The following CXCL12 variants were observed in gnomAD, a reference collection of about 807,000 sequenced individuals.
The protein encoded by CXCL12 is stromal cell-derived factor 1.
A neutral mutation model predicts 10.7 loss-of-function variants in CXCL12; 4 were observed. That is an observed-to-expected ratio of 0.37 (90% CI 0.18 to 0.86). The LOEUF is 0.86. CXCL12 is among the 40% of genes least tolerant of loss of function. The pLI is 0.43. For missense variants in CXCL12, 122 were observed against 110.4 expected (o/e 1.10, Z -0.47); for synonymous variants, 54 against 45.4 (o/e 1.19, Z -0.77).
rs1428790416 is a variant in CXCL12, at chr10:44,377,424, TA to T, written c.*1208del. On this transcript the variant is annotated 3_prime_UTR_variant, in exon 3 of 3. Transcript: ENST00000343575. ...AAAAAAATGTGCACAAAAATATATA[TA>T]AAAAAATGCCTTGCAAAAAGTTACA... is the stretch of plus-strand genomic sequence containing the variant. 2.1e-5 allele frequency: 23 copies of T among 1,114,962 alleles called. No individual in the cohort carries two copies. The highest frequency in any genetic ancestry group is 9.5e-5 in the Admixed American group (2 of 21,138). The allele number at this position is 1,114,962 out of a possible 1,614,324, so 69.1% of individuals were successfully genotyped here.
At position 44,377,396 on chromosome 10, in the gene CXCL12, TA is replaced by T. The variant is rs17884204; in HGVS notation, c.*1236del. 0.03 allele frequency: 31,414 copies of T among 1,063,220 alleles called. 526 individuals carry two copies. Among genetic ancestry groups the T allele is most frequent in the Non-Finnish European group, 0.033 (29,063 of 875,742 alleles). 65.9% of individuals were successfully genotyped at this position (1,063,220 alleles called of 1,614,324 possible). ...AATACATTTGTTTTCTAAAGAAACG[TA>T]AAAAAAAATGTGCACAAAAATATAT... On this transcript the variant is annotated 3_prime_UTR_variant, in exon 3 of 3. Coordinates refer to ENST00000343575, the MANE Select transcript of CXCL12 (RefSeq NM_199168.4).
At chr10:44,373,172 T>C (rs1839358368), downstream of CXCL12, 3 of 1,538,986 alleles carry the variant, frequency 1.9e-6, no homozygotes, top group Non-Finnish European at 1.8e-6. Flanking sequence ...TTTTGCTACA[T>C]AATCAAATGG....
At chr10:44,371,189 G>C (rs1564456969), downstream of CXCL12, 1 of 244,066 alleles carries the variant, frequency 4.1e-6, no homozygotes, top group Non-Finnish European at 8.3e-6. Context: ...TGTTAGTAGA[G>C]GAATTGTTAT....
At chr10:44,372,632 T>G (rs574830145), downstream of CXCL12, 26 of 1,344,894 alleles carry the variant, frequency 1.9e-5, no homozygotes, top group Admixed American at 2.4e-4. Context: ...AGAGTCCTTT[T>G]GCAGGGCCAT....
At position 44,377,815 on chromosome 10, in the gene CXCL12, C is replaced by A; in HGVS notation, c.*818G>T. On this transcript the variant is annotated 3_prime_UTR_variant, in exon 3 of 3. Transcript: ENST00000343575. ...GCCAAAGACGGATCTCACAGAGGGCCCGAGCTGTGGGGCAGGCCCTGGGAG... is the reference window on the plus strand; with the variant it reads ...GCCAAAGACGGATCTCACAGAGGGCACGAGCTGTGGGGCAGGCCCTGGGAG... 6.3e-7 allele frequency: 1 copy of A among 1,597,404 alleles called. No individual in the cohort carries two copies. Among genetic ancestry groups the A allele is most frequent in the Non-Finnish European group, 8.5e-7 (1 of 1,179,468 alleles).
chr10:44,383,821 ACCAACCCAG>A (rs1040630201), intron 1 of CXCL12, among the ~76,000 whole-genome samples: 3 of 152,176 alleles, frequency 2.0e-5, no homozygotes, highest in African/African-American at 7.2e-5. Flanking sequence ...CCACGTCTGC[ACCAACCCAG>A]CCAAGGGCTC....
downstream of CXCL12, among the ~76,000 whole-genome samples, chr10:44,375,627 C>T (rs553192962): frequency 7.2e-4 from 109 of 152,346 alleles, no homozygotes; most frequent in Non-Finnish European, 1.3e-3. Flanking sequence ...CTGGGGGGCT[C>T]AGCAACCTGG....
Position 44,384,928 on chromosome 10 carries a change from C to T in CXCL12, c.61+17G>A, listed in dbSNP as rs17540465. 55,544 of 1,541,632 alleles carry T rather than the reference C, an allele frequency of 0.036. 1,205 individuals are homozygous for T. The highest frequency in any genetic ancestry group is 0.089 in the African/African-American group (5,916 of 66,464). The stretch of plus-strand genomic sequence containing the variant: ...AGCCCAGAGCCTCGCCAGGGCCTCC[C>T]CGCCGAGCGCACTTACCGTCGCTGA... On this transcript the variant is annotated intron_variant, in intron 1 of 2. Transcript: ENST00000343575.
chr10:44,378,600 G>C lies in CXCL12; in HGVS notation c.*33C>G, dbSNP rs760074446. 84 of 1,613,702 alleles carry C rather than the reference G, an allele frequency of 5.2e-5. No homozygotes were observed. The highest frequency in any genetic ancestry group is 6.1e-5 in the Non-Finnish European group (72 of 1,179,876). On this transcript the variant is annotated 3_prime_UTR_variant, in exon 3 of 3. Coordinates refer to ENST00000343575, the MANE Select transcript of CXCL12 (RefSeq NM_199168.4). The stretch of plus-strand genomic sequence containing the variant: ...ACAAGGTTTTAGTTTTCCTCGAGTG[G>C]GTCTAGCGGAAAGTCCTTTTTGGCT...
Position 44,377,572 on chromosome 10 carries a change from T to A in CXCL12, c.*1061A>T. ...GAGGGGGTAGTGGCAAGATGATGGT[T>A]TATTCACTGATTTTTTCGCTTCTGA... On this transcript the variant is annotated 3_prime_UTR_variant, in exon 3 of 3. Transcript: ENST00000343575. 1 of 1,472,912 alleles carries A rather than the reference T, an allele frequency of 6.8e-7. No individual in the cohort carries two copies. The highest frequency in any genetic ancestry group is 1.4e-5 in the South Asian group (1 of 71,812). 91.2% of individuals were successfully genotyped at this position (1,472,912 alleles called of 1,614,324 possible).
downstream of CXCL12, chr10:44,373,053 G>A (rs763415386): frequency 2.9e-5 from 44 of 1,536,054 alleles, no homozygotes; most frequent in Middle Eastern, 1.7e-4. Context: ...GAGTGGCTCC[G>A]TGGAAAGACA....
chr10:44,372,652 C>T (rs1588893298), downstream of CXCL12: 7 of 1,390,884 alleles, frequency 5.0e-6, no homozygotes, highest in East Asian at 2.6e-5. Context: ...TGGAGACAGT[C>T]GTGGACACAC....
At chr10:44,376,967 G>GAGAA (rs569863969), downstream of CXCL12, 2,354 of 328,302 alleles carry the variant, frequency 7.2e-3, 17 homozygotes, top group Non-Finnish European at 9.3e-3. Flanking sequence ...ATCTGCTCGT[G>GAGAA]AGAAAAGCCC....
chr10:44,384,644 C>G (rs1839741905), intron 1 of CXCL12, among the ~76,000 whole-genome samples: 1 of 152,214 alleles, frequency 6.6e-6, no homozygotes. Context: ...CCCACCCTCG[C>G]GCCTTCCCGC....
chr10:44,378,523 T>C lies in CXCL12; in HGVS notation c.*110A>G. 6.4e-7 allele frequency: 1 copy of C among 1,568,074 alleles called. No homozygotes were observed. On this transcript the variant is annotated 3_prime_UTR_variant, in exon 3 of 3. Coordinates refer to ENST00000343575, the MANE Select transcript of CXCL12 (RefSeq NM_199168.4). ...AATGTGCCCACCCCACACACACACC[T>C]GGTCCTCATGGTTAAGGCCCCCTCC... is the stretch of plus-strand genomic sequence containing the variant.
chr10:44,381,010 C>T, intron 1 of CXCL12, 130 bp from the exon 2 acceptor site: 2 of 786,046 alleles, frequency 2.5e-6, no homozygotes, highest in South Asian at 1.5e-5. Context: ...TTCCAGGTTA[C>T]TGGTGTATGT....
downstream of CXCL12, chr10:44,374,352 GGC>G (rs2132037856): frequency 2.3e-6 from 1 of 428,260 alleles, no homozygotes; most frequent in South Asian, 1.6e-5. Flanking sequence ...GCCCTCTCGG[GGC>G]GCTTTTGTCA....
At position 44,380,980 on chromosome 10, in the gene CXCL12, G is replaced by A. The variant is rs1839613275; in HGVS notation, c.62-100C>T. ...TTGGTGCAGCGATTAAGGATCAAGAGACGGCATCACTGGGGTAAGTTCCAG... is the reference window on the plus strand; with the variant it reads ...TTGGTGCAGCGATTAAGGATCAAGAAACGGCATCACTGGGGTAAGTTCCAG... On this transcript the variant is annotated intron_variant, in intron 1 of 2. Coordinates refer to ENST00000343575, the MANE Select transcript of CXCL12 (RefSeq NM_199168.4). The A allele has an allele frequency of 3.1e-6, 3 of 956,352 alleles. No individual in the cohort carries two copies. The South Asian group carries it at 3.9e-5, about 12-fold the overall frequency. 59.2% of individuals were successfully genotyped at this position (956,352 alleles called of 1,614,324 possible). A position where few individuals can be genotyped will look rare whatever the true frequency, so the allele number is the denominator to read the frequency against.
At chr10:44,373,338 A>C, downstream of CXCL12, 1 of 1,608,018 alleles carries the variant, frequency 6.2e-7, no homozygotes, top group Non-Finnish European at 8.5e-7. Context: ...TCACATCTTG[A>C]ACCTCCTGTT....
Sources: allele counts gnomAD v4.1 joint callset (sites outside exome capture counted in the v4.1 genomes callset), GRCh38; gene constraint gnomAD v4.1.1; transcripts MANE v1.5; gene names NCBI Gene and HGNC (gene_info 2026-07-23, HGNC 2026-07-21).